The following ATAD2 variants were observed in gnomAD, a reference collection of about 807,000 sequenced individuals.
ATAD2 encodes ATPase family AAA domain containing 2, also known as ATPase family AAA domain-containing protein 2.
A neutral mutation model predicts 168.9 loss-of-function variants in ATAD2; 62 were observed. The observed-to-expected ratio is 0.37, with a 90% CI of 0.30 to 0.45. The LOEUF (loss-of-function observed/expected upper bound fraction) is 0.45. Ranked by LOEUF, ATAD2 falls within the 20% of genes least tolerant of loss-of-function variation. The probability of loss-of-function intolerance (pLI) is 1.00; values close to 1 mark genes in which losing one functional copy is unlikely to be tolerated. For missense variants in ATAD2, 1,419 were observed against 1,667.8 expected, an observed-to-expected ratio of 0.85 and a Z score of 2.60; for synonymous variants, 613 against 571.6, an observed-to-expected ratio of 1.07 and a Z score of -1.03.
rs747708644 is a variant in ATAD2 at position 123,357,598 on chromosome 8, T to C, written c.1521A>G (p.Gly507=). The change falls in exon 12 of 28, where the codon GGA becomes GGG. Residue 507 remains glycine, a synonymous_variant. Coordinates refer to ENST00000287394, the MANE Select transcript of ATAD2 (RefSeq NM_014109.4). Reference sequence around the variant, plus strand: ...GCAATCGTAGCTGTCTTTCAGATTCTCCTACCCATTTACTTAGACAATCAG... The same window carrying C: ...GCAATCGTAGCTGTCTTTCAGATTCCCCTACCCATTTACTTAGACAATCAG... ...KGADCLSKWV[G]ESERQLRLLF... is the part of the protein sequence containing the mutation. The C allele has an allele frequency of 1.2e-6, 2 of 1,613,980 alleles. 1 individual carries two copies. The highest frequency in any genetic ancestry group is 2.2e-5 in the South Asian group (2 of 91,052).
At chr8:123,329,514 G>C (rs1355334271) in intron 24 of ATAD2, among the ~76,000 whole-genome samples, 1 of 152,034 alleles carries the variant, frequency 6.6e-6, no homozygotes, top group African/African-American at 2.4e-5. Flanking sequence ...TGTAGTCCCA[G>C]CACTTTGGGA....
chr8:123,414,402 G>C (rs867813973), intron 1 of ATAD2, among the ~76,000 whole-genome samples: 20 of 152,290 alleles, frequency 1.3e-4, no homozygotes, highest in South Asian at 1.0e-3. Context: ...TAAGTAGTTT[G>C]TGCCCAATCA....
rs2129905526 is a variant in ATAD2 at position 123,386,638 on chromosome 8, A to G, written c.172-5961T>C. Among the ~76,000 whole-genome samples, 2 of 152,288 alleles carry G rather than the reference A, an allele frequency of 1.3e-5. 1 individual carries two copies. The highest frequency in any genetic ancestry group is 4.8e-5 in the African/African-American group (2 of 41,560). On this transcript the variant is annotated intron_variant, in intron 1 of 27. Transcript: ENST00000287394. ...ATGTACTTAATGAACTGTAAGCTTA[A>G]AAACGGTTAAAACGGTCAATTTTAT...
chr8:123,347,380 T>G lies in ATAD2; in HGVS notation c.1924A>C (p.Ile642Leu). ...GCACATAAAGCAGCTTCAGCACATA[T>G]TGATTTAATATCTGCTCCACAGTAT... The part of the protein sequence containing the change: ...VGYCGADIKS[I>L]CAEAALCALR... The change falls in exon 16 of 28, where the codon ATA becomes CTA. Residue 642 changes from isoleucine (I) to leucine (L), a missense_variant. Transcript: ENST00000287394. 6.2e-7 allele frequency: 1 copy of G among 1,613,112 alleles called. No homozygotes were observed. Among genetic ancestry groups the G allele is most frequent in the Non-Finnish European group, 8.5e-7 (1 of 1,179,664 alleles).
chr8:123,368,570 A>T (rs1194664465), intron 8 of ATAD2, among the ~76,000 whole-genome samples: 1 of 152,248 alleles, frequency 6.6e-6, no homozygotes, highest in African/African-American at 2.4e-5. Context: ...TTCCTACAAC[A>T]GAAGAGGAAT....
rs767317824 is a variant in ATAD2, at chr8:123,323,063, G to T, written c.4006C>A (p.Leu1336Ile). The T allele has an allele frequency of 4.0e-5, 65 of 1,607,794 alleles. No homozygotes were observed. Among genetic ancestry groups the T allele is most frequent in the Non-Finnish European group, 5.3e-5 (62 of 1,176,634 alleles). Residue 1336 changes from leucine (L) to isoleucine (I), a missense_variant, in exon 27 of 28, where the codon CTT (leucine) becomes ATT (isoleucine). Physicochemically the swap from Leu to Ile is conservative, Grantham distance 5. Around this residue, in one of 5 missense-constraint regions of ATAD2, gnomAD observed 303 missense variants for 304.3 expected, o/e 1.00. Coordinates refer to ENST00000287394, the MANE Select transcript of ATAD2 (RefSeq NM_014109.4). ...LVVDHERLKN[L>I]LKTVVKKSQN... Reference sequence around the variant, plus strand: ...CTTTTTTTAACAACAGTCTTCAAAAGATTCTAAAAGAAAATATGAGTGTCA... The same window carrying T: ...CTTTTTTTAACAACAGTCTTCAAAATATTCTAAAAGAAAATATGAGTGTCA...
intron 24 of ATAD2, among the ~76,000 whole-genome samples, chr8:123,331,895 C>A (rs1827783449): frequency 6.6e-6 from 1 of 152,188 alleles, no homozygotes; most frequent in African/African-American, 2.4e-5. Context: ...ACCACAACAG[C>A]CACAGGAGGT....
chr8:123,412,362 A>G (rs1349138629), intron 1 of ATAD2, among the ~76,000 whole-genome samples: 1 of 152,218 alleles, frequency 6.6e-6, no homozygotes, highest in African/African-American at 2.4e-5. Flanking sequence ...TGCCAACTAC[A>G]ATGCTTACAC....
chr8:123,339,296 G>T lies in ATAD2; in HGVS notation c.2854+15C>A. On this transcript the variant is annotated intron_variant, in intron 20 of 27. Coordinates refer to ENST00000287394, the MANE Select transcript of ATAD2 (RefSeq NM_014109.4). ...CTCAAAATTATTAAATATTAACTTT[G>T]ATATAGAAACTAACCTGCTTTCTTT... 2 of 1,508,350 alleles carry T rather than the reference G, an allele frequency of 1.3e-6. No individual in the cohort carries two copies. Among genetic ancestry groups the T allele is most frequent in the South Asian group, 1.2e-5 (1 of 80,332 alleles). The allele number at this position is 1,508,350 out of a possible 1,614,324, so 93.4% of individuals were successfully genotyped here. A position where few individuals can be genotyped will look rare whatever the true frequency, so the allele number is the denominator to read the frequency against.
Position 123,334,204 on chromosome 8 carries a change from T to A in ATAD2, c.3330A>T (p.Lys1110Asn). The part of the protein sequence containing the change: ...LCEEIQESRK[K>N]RGCSSSKYAP... ...TCAACCAAATCACTTTCCTACCTCTTTTCTTTCTAGATTCCTGAATTTCTT... is the reference window on the plus strand; with the variant it reads ...TCAACCAAATCACTTTCCTACCTCTATTCTTTCTAGATTCCTGAATTTCTT... The change falls in exon 23 of 28, where the codon AAA becomes AAT. Residue 1110 changes from lysine to asparagine, a missense_variant. Physicochemically the swap from Lys to Asn is moderately conservative, Grantham distance 94 (BLOSUM62 0). This residue lies in a region of ATAD2 where 545 missense variants were observed against 724.9 expected (regional missense o/e 0.75). Coordinates refer to ENST00000287394, the MANE Select transcript of ATAD2 (RefSeq NM_014109.4). 1 of 1,578,724 alleles carries A rather than the reference T, an allele frequency of 6.3e-7. No homozygotes were observed. The highest frequency in any genetic ancestry group is 8.5e-7 in the Non-Finnish European group (1 of 1,169,612).
At chr8:123,407,852 CAA>C (rs11315960) in intron 1 of ATAD2, among the ~76,000 whole-genome samples, 142 of 139,902 alleles carry the variant, frequency 1.0e-3, no homozygotes, top group East Asian at 2.9e-3. Flanking sequence ...GACTCCGTCT[CAA>C]AAAAAAAAAA....
chr8:123,384,337 A>T (rs983478970), intron 1 of ATAD2, among the ~76,000 whole-genome samples: 1 of 152,224 alleles, frequency 6.6e-6, no homozygotes, highest in Non-Finnish European at 1.5e-5. Flanking sequence ...ACATTTATAA[A>T]AACAATGCAA....
At chr8:123,397,908 AGG>A (rs1161491061), upstream of ATAD2, among the ~76,000 whole-genome samples, 2 of 152,104 alleles carry the variant, frequency 1.3e-5, no homozygotes, top group Non-Finnish European at 2.9e-5. Flanking sequence ...AAGAAGAGAG[AGG>A]CGGGAAGCAG....
chr8:123,342,097 T>C (rs1338571198), intron 19 of ATAD2, among the ~76,000 whole-genome samples: 1 of 151,904 alleles, frequency 6.6e-6, no homozygotes, highest in African/African-American at 2.4e-5. Flanking sequence ...CAAAAATAAA[T>C]AAATAAACAA....
intron 21 of ATAD2, 43 bp from the exon 22 acceptor site, chr8:123,336,575 A>G (rs1226004510): frequency 2.1e-6 from 3 of 1,432,792 alleles, no homozygotes; most frequent in Non-Finnish European, 2.8e-6. Context: ...TTAACTCTAA[A>G]CATAACATGT....
chr8:123,369,693 A>G, intron 7 of ATAD2, 128 bp downstream of exon 7: 1 of 773,144 alleles, frequency 1.3e-6, no homozygotes, highest in East Asian at 2.5e-5. Context: ...AGGTAAAGAC[A>G]ACAGTAATGA....
chr8:123,322,526 G>A (rs1004392185), intron 27 of ATAD2, among the ~76,000 whole-genome samples: 1 of 152,052 alleles, frequency 6.6e-6, no homozygotes, highest in Non-Finnish European at 1.5e-5. Flanking sequence ...AAAATTAGCT[G>A]GGCATGATGG....
At chr8:123,380,497 T>C (rs1252649452) in intron 2 of ATAD2, 32 bp downstream of exon 2, 2 of 1,606,192 alleles carry the variant, frequency 1.2e-6, no homozygotes, top group South Asian at 1.1e-5. Context: ...TTTAAAACTA[T>C]TTTGAATTAG....
chr8:123,358,662 A>C (rs1828718606), intron 11 of ATAD2, among the ~76,000 whole-genome samples: 1 of 147,738 alleles, frequency 6.8e-6, no homozygotes. Context: ...TAATTTTTTA[A>C]ATTACAAAAT....
Sources: gnomAD v4.1 joint callset for allele counts (sites outside exome capture counted in the v4.1 genomes callset) on GRCh38, gnomAD v4.1.1 for gene constraint, gnomAD v4.1.1 regional missense constraint, MANE v1.5 for transcripts, NCBI Gene and HGNC (gene_info 2026-07-23, HGNC 2026-07-21) for gene names.